Variants in SPIRE1 observed in about 807,000 individuals in gnomAD.
SPIRE1 encodes protein spire homolog 1.
Under a neutral mutation model 94.1 loss-of-function variants are expected in SPIRE1, and 40 were observed. That is an observed-to-expected ratio of 0.43 (90% CI 0.33 to 0.55). The LOEUF is 0.55. SPIRE1 is among the 20% of genes least tolerant of loss of function. The pLI, the probability that SPIRE1 is intolerant of heterozygous loss-of-function variation, is 0.06. For missense variants in SPIRE1, 838 were observed against 975.2 expected, an observed-to-expected ratio of 0.86 and a Z score of 1.87; for synonymous variants, 376 against 371.7, an observed-to-expected ratio of 1.01 and a Z score of -0.13.
intron 2 of SPIRE1, among the ~76,000 whole-genome samples, chr18:12,601,072 G>A (rs553857675): frequency 6.6e-6 from 1 of 152,164 alleles, no homozygotes; most frequent in South Asian, 2.1e-4. Flanking sequence ...TTGGCCAGTG[G>A]GCAGTCCTGC....
chr18:12,658,164 C>T, upstream of SPIRE1: 1 of 915,670 alleles, frequency 1.1e-6, no homozygotes, highest in South Asian at 2.0e-5. Flanking sequence ...CAGCGCCCGC[C>T]CCTTAGGGGG....
intron 2 of SPIRE1, among the ~76,000 whole-genome samples, chr18:12,617,494 C>G (rs1459466508): frequency 6.6e-6 from 1 of 152,008 alleles, no homozygotes; most frequent in Non-Finnish European, 1.5e-5. Context: ...TCACTGCAAC[C>G]TCTGCCCCCG....
At position 12,461,500 on chromosome 18, in the gene SPIRE1, A is replaced by G. The variant is rs1409376474; in HGVS notation, c.1638+1851T>C. 2.0e-5 allele frequency among the ~76,000 whole-genome samples: 3 copies of G among 149,600 alleles called. No homozygotes were observed. In the East Asian group the frequency reaches 6.0e-4, roughly 30 times the overall value. ...TACATACATATGTGTGTATGCACGT[A>G]CATATGTACGTACATACATATGTGT... On this transcript the variant is annotated intron_variant, in intron 12 of 16. Coordinates refer to ENST00000409402, the MANE Select transcript of SPIRE1 (RefSeq NM_001128626.2).
chr18:12,642,308 T>C (rs1401676733), intron 1 of SPIRE1, among the ~76,000 whole-genome samples: 2 of 152,174 alleles, frequency 1.3e-5, no homozygotes, highest in African/African-American at 4.8e-5. Context: ...ACCTTTGCCA[T>C]AAATGTGACT....
intron 2 of SPIRE1, among the ~76,000 whole-genome samples, chr18:12,607,827 C>T (rs1255079529): frequency 7.2e-5 from 11 of 152,264 alleles, no homozygotes; most frequent in Non-Finnish European, 1.3e-4. Context: ...CCCCCATACC[C>T]TAATGTGATT....
intron 10 of SPIRE1, among the ~76,000 whole-genome samples, chr18:12,474,217 T>C (rs1265354967): frequency 6.6e-6 from 1 of 152,208 alleles, no homozygotes; most frequent in Non-Finnish European, 1.5e-5. Context: ...GAAATTCTGG[T>C]GTCTCCTTCA....
In SPIRE1 at chr18:12,448,200, T is replaced by C. The variant is rs556790931; in HGVS notation, c.*1438A>G. 1.3e-5 allele frequency: 2 copies of C among 152,774 alleles called. No individual in the cohort carries two copies. The highest frequency in any genetic ancestry group is 4.8e-5 in the African/African-American group (2 of 41,588). 9.5% of individuals were successfully genotyped at this position (152,774 alleles called of 1,614,324 possible). On this transcript the variant is annotated 3_prime_UTR_variant, in exon 17 of 17. Coordinates refer to ENST00000409402, the MANE Select transcript of SPIRE1 (RefSeq NM_001128626.2). This position sits in a 1 kb window ranked among gnomAD's most constrained non-coding sequence, Gnocchi z 4.4. ...TAAATTTCAATCCATTAAAAACTAC[T>C]ACCGGAGCAGTTTTGAGGTATTACT...
rs1349328248 is a variant in SPIRE1 at position 12,535,593 on chromosome 18, A to G, written c.612T>C (p.Ala204=). The stretch of plus-strand genomic sequence containing the variant: ...CATCTGATTCAGTAGGGAGATGAGC[A>G]GCACACAACTATAGAAGGGGAAAAT... ...RSYRDVMKLC[A]AHLPTESDAP... The change falls in exon 4 of 17, where the codon GCT becomes GCC. Residue 204 remains alanine, a synonymous_variant. Coordinates refer to ENST00000409402, the MANE Select transcript of SPIRE1 (RefSeq NM_001128626.2). 2 of 1,612,166 alleles carry G rather than the reference A, an allele frequency of 1.2e-6. No individual in the cohort carries two copies. The highest frequency in any genetic ancestry group is 2.2e-5 in the East Asian group (1 of 44,820).
chr18:12,591,800 T>C (rs564064414), intron 2 of SPIRE1, among the ~76,000 whole-genome samples: 12 of 151,662 alleles, frequency 7.9e-5, no homozygotes, highest in Non-Finnish European at 1.6e-4. Context: ...AAACCCCGTC[T>C]CTACTAAAAA....
intron 2 of SPIRE1, among the ~76,000 whole-genome samples, chr18:12,564,692 G>T (rs1472159970): frequency 6.6e-6 from 1 of 152,098 alleles, no homozygotes; most frequent in African/African-American, 2.4e-5. Context: ...ACTGCCCTGG[G>T]AACCAGCGCC....
At chr18:12,470,273 T>A (rs1462765836) in intron 10 of SPIRE1, among the ~76,000 whole-genome samples, 3 of 152,214 alleles carry the variant, frequency 2.0e-5, no homozygotes, top group African/African-American at 7.2e-5. Context: ...ATTAATTTTT[T>A]AAAAATGCTT....
intron 2 of SPIRE1, among the ~76,000 whole-genome samples, chr18:12,604,799 A>G (rs1053045073): frequency 2.0e-5 from 3 of 152,216 alleles, no homozygotes; most frequent in Non-Finnish European, 4.4e-5. Flanking sequence ...GTGGGTGCAC[A>G]CTTAAGTTCA....
At chr18:12,521,828 T>C (rs1160908373) in intron 4 of SPIRE1, among the ~76,000 whole-genome samples, 3 of 152,192 alleles carry the variant, frequency 2.0e-5, no homozygotes, top group African/African-American at 7.2e-5. Context: ...ATGTTACTAT[T>C]GTCATTGCTT....
chr18:12,457,393 C>T (rs771871040), intron 12 of SPIRE1, among the ~76,000 whole-genome samples: 3 of 152,226 alleles, frequency 2.0e-5, no homozygotes, highest in Non-Finnish European at 2.9e-5. Flanking sequence ...TAAACTTCCA[C>T]AGATCTCGCA....
chr18:12,553,370 G>A (rs1219442628), intron 2 of SPIRE1, among the ~76,000 whole-genome samples: 1 of 151,156 alleles, frequency 6.6e-6, no homozygotes, highest in Non-Finnish European at 1.5e-5. Flanking sequence ...GAGTCCCAGG[G>A]CCTGGCAGCA....
At chr18:12,595,699 G>A (rs1360216112) in intron 2 of SPIRE1, among the ~76,000 whole-genome samples, 1 of 152,184 alleles carries the variant, frequency 6.6e-6, no homozygotes, top group Non-Finnish European at 1.5e-5. Context: ...ATGAGGCATA[G>A]TCCTTGCCCT....
At chr18:12,601,529 T>A (rs1015793173) in intron 2 of SPIRE1, among the ~76,000 whole-genome samples, 2 of 152,210 alleles carry the variant, frequency 1.3e-5, no homozygotes, top group African/African-American at 4.8e-5. Context: ...TGATTTTCAG[T>A]GAATTTATAA....
intron 1 of SPIRE1, among the ~76,000 whole-genome samples, chr18:12,641,302 T>C (rs1315992782): frequency 1.3e-5 from 2 of 152,198 alleles, no homozygotes; most frequent in Non-Finnish European, 2.9e-5. Context: ...ACCCATAGTT[T>C]TGTAGTTAAC....
chr18:12,490,830 T>TA (rs1390186478), intron 8 of SPIRE1, among the ~76,000 whole-genome samples: 19 of 152,270 alleles, frequency 1.2e-4, no homozygotes, highest in African/African-American at 4.3e-4. Context: ...GCTAACATCA[T>TA]ACTCAATAAG....
Sources: allele counts gnomAD v4.1 joint callset (sites outside exome capture counted in the v4.1 genomes callset), GRCh38; gene constraint gnomAD v4.1.1; non-coding constraint Gnocchi (gnomAD v3.1); transcripts MANE v1.5; gene names NCBI Gene and HGNC (gene_info 2026-07-23, HGNC 2026-07-21).